TMPRSS3: variants seen among roughly 807,000 people sequenced by gnomAD.
TMPRSS3 encodes the protein transmembrane protease serine 3.
TMPRSS3 carries 55 observed loss-of-function variants against 59.6 expected under a neutral mutation model. That is an observed-to-expected ratio of 0.92 (90% CI 0.74 to 1.16). The LOEUF (loss-of-function observed/expected upper bound fraction) is 1.16. Among genes scored for constraint, TMPRSS3 ranks in the 50% most tolerant of loss-of-function variants. TMPRSS3 has a pLI of 0.00. For missense variants in TMPRSS3, 596 were observed against 579.4 expected, an observed-to-expected ratio of 1.03 and a Z score of -0.29; for synonymous variants, 257 against 237.7, an observed-to-expected ratio of 1.08 and a Z score of -0.75.
Position 42,376,727 on chromosome 21 carries a change from G to A in TMPRSS3, c.1049-44C>T, listed in dbSNP as rs114156234. ...GGGGATGTGTGTGAGAAGGAAGCCCGGCCCAAAACACAGAAGGCGCATGCT... is the reference window on the plus strand; with the variant it reads ...GGGGATGTGTGTGAGAAGGAAGCCCAGCCCAAAACACAGAAGGCGCATGCT... On this transcript the variant is annotated intron_variant, in intron 10 of 12. Coordinates refer to ENST00000644384, the MANE Select transcript of TMPRSS3 (RefSeq NM_001256317.3). 623 of 1,613,182 alleles carry A rather than the reference G, an allele frequency of 3.9e-4. No homozygotes were observed. In the African/African-American group the frequency reaches 7.4e-3, roughly 19 times the overall value.
chr21:42,391,562 A>G (rs917420155), intron 2 of TMPRSS3, among the ~76,000 whole-genome samples: 21 of 152,244 alleles, frequency 1.4e-4, no homozygotes, highest in African/African-American at 5.1e-4. Context: ...GTCTGCTTGC[A>G]GACCACTGTA....
rs548228515 is a variant in TMPRSS3, at chr21:42,391,230, A to G, written c.95-1193T>C. On this transcript the variant is annotated intron_variant, in intron 2 of 12. Transcript: ENST00000644384. The stretch of plus-strand genomic sequence containing the variant: ...TGTTTGTTTAAATTTTTTCTTATAG[A>G]GATGGGGATCTCACTATGTTGCTCA... Among the ~76,000 whole-genome samples the G allele has an allele frequency of 2.0e-5, 3 of 152,318 alleles. No individual in the cohort carries two copies. In the South Asian group the frequency reaches 6.2e-4, roughly 32 times the overall value.
chr21:42,390,599 G>T (rs1337797239), intron 2 of TMPRSS3, among the ~76,000 whole-genome samples: 1 of 152,112 alleles, frequency 6.6e-6, no homozygotes, highest in Non-Finnish European at 1.5e-5. Flanking sequence ...ATGATGGCAG[G>T]CACCTGTAAT....
At chr21:42,383,801 G>T in intron 7 of TMPRSS3, 169 bp downstream of exon 7, 1 of 757,324 alleles carries the variant, frequency 1.3e-6, no homozygotes. Flanking sequence ...CGACAGGTGA[G>T]GATGACACTG....
chr21:42,389,826 G>T (rs1174379905), intron 3 of TMPRSS3, 101 bp downstream of exon 3: 2 of 911,688 alleles, frequency 2.2e-6, no homozygotes, highest in East Asian at 2.4e-5. Context: ...AGTAATTAAG[G>T]CTGGGCAGCA....
chr21:42,395,358 G>A lies in TMPRSS3; in HGVS notation c.60C>T (p.Gly20=), dbSNP rs1319702076. 1 of 1,614,050 alleles carries A rather than the reference G, an allele frequency of 6.2e-7. No homozygotes were observed. Among genetic ancestry groups the A allele is most frequent in the South Asian group, 1.1e-5 (1 of 91,074 alleles). ...EAPFSFRSLF[G]LDDLKISPVA... ...CAGGACTTATTTTCAAATCATCAAG[G>A]CCAAAAAGCGATCGGAATGAGAAGG... Residue 20 remains glycine (G), a synonymous_variant, in exon 2 of 13, where the codon GGC becomes GGT. Transcript: ENST00000644384.
chr21:42,382,100 G>A lies in TMPRSS3; in HGVS notation c.917C>T (p.Ala306Val). 1 of 1,614,218 alleles carries A rather than the reference G, an allele frequency of 6.2e-7. No homozygotes were observed. The highest frequency in any genetic ancestry group is 8.5e-7 in the Non-Finnish European group (1 of 1,180,044). ...GAGTGGCCCGGCCAGCTTCATAAGG[G>A]CGATGTCATTGCCCAGCCTCTTTGG... ...YKPKRLGNDI[A>V]LMKLAGPLTF... is the part of the protein sequence containing the mutation. Residue 306 changes from alanine (A) to valine (V), a missense_variant, in exon 9 of 13, where the codon GCC becomes GTC. By Grantham distance (64) the Ala-to-Val change is moderately conservative. Coordinates refer to ENST00000644384, the MANE Select transcript of TMPRSS3 (RefSeq NM_001256317.3).
intron 12 of TMPRSS3, 39 bp downstream of exon 12, chr21:42,375,677 G>C: frequency 1.2e-6 from 2 of 1,613,392 alleles, no homozygotes; most frequent in Non-Finnish European, 1.7e-6. Context: ...AGGGTCAAAA[G>C]CCAGGGACAA....
At position 42,372,047 on chromosome 21, in the gene TMPRSS3, G is replaced by A. The variant is rs1218873291; in HGVS notation, c.*715C>T. ...CTTGGAAGTAGAAAGGGTGGGTTTG[G>A]TTCTGGTCCCTAGAGATGAAAACGT... On this transcript the variant is annotated 3_prime_UTR_variant, in exon 13 of 13. Transcript: ENST00000644384. 1 of 454,414 alleles carries A rather than the reference G, an allele frequency of 2.2e-6. No individual in the cohort carries two copies. Among genetic ancestry groups the A allele is most frequent in the African/African-American group, 2.0e-5 (1 of 50,132 alleles). 28.1% of individuals were successfully genotyped at this position (454,414 alleles called of 1,614,324 possible).
In TMPRSS3 at chr21:42,380,195, A is replaced by G; in HGVS notation, c.970T>C (p.Cys324Arg). ...AAGTTCTCTTCAGAGTTGGGCAGGC[A>G]CACAGGCTGGATCATTTCTGCTTGA... ...LTFNEMIQPV[C>R]LPNSEENFPD... Residue 324 changes from cysteine to arginine, a missense_variant, in exon 10 of 13, where the codon TGC (cysteine) becomes CGC (arginine). By Grantham distance (180) the Cys-to-Arg change is radical (BLOSUM62 -3). Transcript: ENST00000644384. 1.2e-6 allele frequency: 2 copies of G among 1,614,108 alleles called. No homozygotes were observed. Among genetic ancestry groups the G allele is most frequent in the Non-Finnish European group, 1.7e-6 (2 of 1,179,990 alleles).
chr21:42,385,556 A>G (rs1691392860), intron 5 of TMPRSS3, 22 bp from the exon 6 acceptor site: 2 of 1,613,876 alleles, frequency 1.2e-6, no homozygotes, highest in Admixed American at 3.3e-5. Context: ...TTGGAAAGAC[A>G]GACCCGACGT....
At position 42,376,003 on chromosome 21, in the gene TMPRSS3, C is replaced by T. The variant is rs2052422597; in HGVS notation, c.1192-135G>A. The T allele has an allele frequency of 2.5e-6, 3 of 1,202,858 alleles. No individual in the cohort carries two copies. In the Admixed American group the frequency reaches 5.4e-5, roughly 22 times the overall value. The allele number at this position is 1,202,858 out of a possible 1,614,324, so 74.5% of individuals were successfully genotyped here. On this transcript the variant is annotated intron_variant, in intron 11 of 12. Transcript: ENST00000644384. The stretch of plus-strand genomic sequence containing the variant: ...CTTCATGATGTCCCAATGGATGACC[C>T]AGGTTACAGAAGGGAACCCACCAGC...
intron 8 of TMPRSS3, chr21:42,382,811 C>T: frequency 1.6e-6 from 1 of 621,516 alleles, no homozygotes; most frequent in Non-Finnish European, 2.9e-6. Context: ...TGCCCTTTCT[C>T]TAGGAGCTAC....
chr21:42,372,781 T>C lies in TMPRSS3; in HGVS notation c.1345-2A>G, dbSNP rs1458533867. On this transcript the variant is annotated splice_acceptor_variant, in intron 12 of 12. Coordinates refer to ENST00000644384, the MANE Select transcript of TMPRSS3 (RefSeq NM_001256317.3). LOFTEE classifies it high-confidence loss of function. ...TCCTCTTCAGGTTTTTAGGTCTCTC[T>C]ATAAATGAAAACAAAGGCGTTATTG... is the stretch of plus-strand genomic sequence containing the variant. 1.9e-6 allele frequency: 3 copies of C among 1,613,908 alleles called. No homozygotes were observed. The highest frequency in any genetic ancestry group is 4.5e-5 in the East Asian group (2 of 44,888).
chr21:42,389,012 C>T lies in TMPRSS3; in HGVS notation c.239G>A (p.Arg80His), dbSNP rs146159479. The T allele has an allele frequency of 1.9e-4, 301 of 1,614,124 alleles. 1 individual carries two copies. In the East Asian group the frequency reaches 3.4e-3, roughly 18 times the overall value. Residue 80 changes from arginine (R) to histidine (H), a missense_variant, in exon 4 of 13, where the codon CGC (arginine) becomes CAC (histidine). Arg to His is a conservative substitution (Grantham distance 29, BLOSUM62 0). Coordinates refer to ENST00000644384, the MANE Select transcript of TMPRSS3 (RefSeq NM_001256317.3). ...CAGCTCGATACACTTAAAGGATGAGCGACATCTGTACTTCCCTGAGCAGTC... is the reference window on the plus strand; with the variant it reads ...CAGCTCGATACACTTAAAGGATGAGTGACATCTGTACTTCCCTGAGCAGTC... Reference protein sequence around the residue: ...HFDCSGKYRCRSSFKCIELIA... With the variant: ...HFDCSGKYRCHSSFKCIELIA...
intron 7 of TMPRSS3, chr21:42,383,482 C>A (rs1442628846): frequency 3.6e-6 from 2 of 559,020 alleles, no homozygotes; most frequent in Non-Finnish European, 6.5e-6. Context: ...CATCCTATTC[C>A]CCCAGTGATG....
At position 42,376,669 on chromosome 21, in the gene TMPRSS3, C is replaced by T; in HGVS notation, c.1063G>A (p.Val355Ile). The T allele has an allele frequency of 6.2e-7, 1 of 1,614,050 alleles. No homozygotes were observed. Among genetic ancestry groups the T allele is most frequent in the Non-Finnish European group, 8.5e-7 (1 of 1,180,032 alleles). The change falls in exon 11 of 13, where the codon GTC becomes ATC. Residue 355 changes from valine to isoleucine, a missense_variant. Physicochemically the swap from Val to Ile is conservative, Grantham distance 29. Transcript: ENST00000644384. Reference protein sequence around the residue: ...ATEDGGDASPVLNHAAVPLIS... With the variant: ...ATEDGGDASPILNHAAVPLIS... ...AAAGGGACGGCCGCGTGGTTCAGGA[C>T]AGGGGAGGCGTCACCTGCTTCAAAG...
intron 9 of TMPRSS3, chr21:42,381,860 T>C (rs537812631): frequency 2.8e-6 from 2 of 725,978 alleles, no homozygotes; most frequent in African/African-American, 1.7e-5. Context: ...TGAAAATCAC[T>C]TGTCATACCA....
intron 2 of TMPRSS3, among the ~76,000 whole-genome samples, chr21:42,394,819 A>G (rs1241181743): frequency 2.6e-5 from 4 of 152,236 alleles, no homozygotes; most frequent in Non-Finnish European, 5.9e-5. Context: ...AGGTTGCTAG[A>G]GAGTCCACTG....
Sources: gnomAD v4.1 joint callset for allele counts (sites outside exome capture counted in the v4.1 genomes callset) on GRCh38, gnomAD v4.1.1 for gene constraint, MANE v1.5 for transcripts, NCBI Gene and HGNC (gene_info 2026-07-23, HGNC 2026-07-21) for gene names.